DCC: variants seen among roughly 807,000 people sequenced by gnomAD.
DCC encodes DCC netrin 1 receptor, also known as netrin receptor DCC.
DCC carries 58 observed loss-of-function variants against 172.5 expected under a neutral mutation model. That is an observed-to-expected ratio of 0.34 (90% CI 0.27 to 0.42). DCC has a LOEUF of 0.42. DCC is among the 10% of genes least tolerant of loss of function. The probability of loss-of-function intolerance (pLI) is 1.00; values close to 1 mark genes in which losing one functional copy is unlikely to be tolerated. For missense variants in DCC, 1,740 were observed against 1,791.0 expected, an observed-to-expected ratio of 0.97 and a Z score of 0.51; for synonymous variants, 709 against 644.5, an observed-to-expected ratio of 1.10 and a Z score of -1.52.
At chr18:52,765,931 C>A (rs1346593058) in intron 2 of DCC, among the ~76,000 whole-genome samples, 1 of 152,122 alleles carries the variant, frequency 6.6e-6, no homozygotes, top group Non-Finnish European at 1.5e-5. Context: ...TGAAGATTAC[C>A]AAATAATGCT....
intron 27 of DCC, among the ~76,000 whole-genome samples, chr18:53,523,458 C>T (rs1046471747): frequency 3.3e-5 from 5 of 152,042 alleles, no homozygotes; most frequent in Non-Finnish European, 7.4e-5. Flanking sequence ...CACAAGCACA[C>T]GTATGTTTAC....
At chr18:53,448,801 C>T (rs1037373087) in intron 22 of DCC, among the ~76,000 whole-genome samples, 4 of 152,028 alleles carry the variant, frequency 2.6e-5, no homozygotes, top group Non-Finnish European at 5.9e-5. Context: ...TGTCGTGAGC[C>T]GAGATCATGC....
intron 1 of DCC, among the ~76,000 whole-genome samples, chr18:52,558,002 A>G (rs1284237201): frequency 6.6e-6 from 1 of 152,144 alleles, no homozygotes; most frequent in African/African-American, 2.4e-5. Flanking sequence ...TTTATAAATA[A>G]TGTTGTGAGT....
At chr18:52,830,797 G>C (rs990593243) in intron 2 of DCC, among the ~76,000 whole-genome samples, 1 of 151,964 alleles carries the variant, frequency 6.6e-6, no homozygotes, top group African/African-American at 2.4e-5. Flanking sequence ...ATTAAATGTA[G>C]GTTTATCAAA....
intron 5 of DCC, among the ~76,000 whole-genome samples, chr18:53,038,047 C>T (rs1374012266): frequency 6.6e-6 from 1 of 151,978 alleles, no homozygotes; most frequent in Non-Finnish European, 1.5e-5. Flanking sequence ...GCAAAACCAA[C>T]AGGTACATTT....
chr18:52,392,169 G>T (rs1017068025), intron 1 of DCC, among the ~76,000 whole-genome samples: 7 of 152,158 alleles, frequency 4.6e-5, no homozygotes, highest in African/African-American at 1.7e-4. Context: ...TAGGTAAGTG[G>T]CTGGTAGCAG....
intron 12 of DCC, among the ~76,000 whole-genome samples, chr18:53,266,282 C>G (rs1598964455): frequency 6.6e-6 from 1 of 152,184 alleles, no homozygotes; most frequent in East Asian, 1.9e-4. Flanking sequence ...AATCCTCATA[C>G]ATTGTATGGG....
chr18:53,457,156 A>C (rs1288236053), intron 23 of DCC, among the ~76,000 whole-genome samples: 1 of 152,226 alleles, frequency 6.6e-6, no homozygotes, highest in Non-Finnish European at 1.5e-5. Context: ...ATTAAAATCC[A>C]GCAGAAAAAT....
rs1412989214 is a variant in DCC at position 53,402,352 on chromosome 18, T to C, written c.2828-434T>C. Among the ~76,000 whole-genome samples, 6 of 151,060 alleles carry C rather than the reference T, an allele frequency of 4.0e-5. No homozygotes were observed. In the East Asian group the frequency reaches 1.2e-3, roughly 30 times the overall value. Reference sequence around the variant, plus strand: ...CTGAAGTGAGCTATGATTGCACCACTGCACTCCAGCCTAGGTAACAGAGCA... The same window carrying C: ...CTGAAGTGAGCTATGATTGCACCACCGCACTCCAGCCTAGGTAACAGAGCA... On this transcript the variant is annotated intron_variant, in intron 18 of 28. Transcript: ENST00000442544.
chr18:52,671,807 A>G (rs2035559002), intron 1 of DCC, among the ~76,000 whole-genome samples: 1 of 152,084 alleles, frequency 6.6e-6, no homozygotes, highest in South Asian at 2.1e-4. Flanking sequence ...AATTTCCAGG[A>G]TTACAGGCAT....
chr18:52,750,959 T>C (rs2036985053), intron 1 of DCC, among the ~76,000 whole-genome samples: 1 of 152,190 alleles, frequency 6.6e-6, no homozygotes, highest in South Asian at 2.1e-4. Context: ...TGAAATGCCA[T>C]TTCAAACAAA....
intron 15 of DCC, among the ~76,000 whole-genome samples, chr18:53,368,798 T>C (rs2058031205): frequency 6.6e-6 from 1 of 152,082 alleles, no homozygotes; most frequent in Non-Finnish European, 1.5e-5. Context: ...TGTTGATTTA[T>C]ATCACTGTAT....
chr18:53,088,382 A>G (rs977504051), intron 7 of DCC, among the ~76,000 whole-genome samples: 6 of 152,246 alleles, frequency 3.9e-5, no homozygotes, highest in Non-Finnish European at 7.3e-5. Context: ...ATGGGAGTTC[A>G]CTCATGATTT....
In DCC at chr18:52,432,974, A is replaced by G. The variant is rs570120333; in HGVS notation, c.91+92096A>G. Among the ~76,000 whole-genome samples the G allele has an allele frequency of 3.3e-5, 5 of 152,318 alleles. No individual in the cohort carries two copies. The South Asian group carries it at 1.0e-3, about 32-fold the overall frequency. On this transcript the variant is annotated intron_variant, in intron 1 of 28. Transcript: ENST00000442544. ...ACATCTGGCCTTTCATGGGGACATA[A>G]GCAAATAAATAAAACAACAAAGAAT...
At chr18:52,436,686 T>A (rs982405079) in intron 1 of DCC, among the ~76,000 whole-genome samples, 4 of 152,162 alleles carry the variant, frequency 2.6e-5, no homozygotes, top group Non-Finnish European at 5.9e-5. Context: ...GGTGGGTGGA[T>A]CACCTGGGGC....
At chr18:52,353,503 A>G (rs1279241518) in intron 1 of DCC, among the ~76,000 whole-genome samples, 1 of 152,184 alleles carries the variant, frequency 6.6e-6, no homozygotes, top group Non-Finnish European at 1.5e-5. Flanking sequence ...GACGGGGGCT[A>G]CCCCATACTG....
chr18:53,438,471 A>G (rs754105309), intron 22 of DCC, among the ~76,000 whole-genome samples: 1 of 152,228 alleles, frequency 6.6e-6, no homozygotes. Flanking sequence ...TTCTGTGAGT[A>G]ATAGATAAAG....
At chr18:52,346,838 T>C (rs1456682443) in intron 1 of DCC, among the ~76,000 whole-genome samples, 2 of 152,202 alleles carry the variant, frequency 1.3e-5, no homozygotes, top group Non-Finnish European at 2.9e-5. Flanking sequence ...GTGTCTATGA[T>C]CTACTTCTAC....
intron 2 of DCC, among the ~76,000 whole-genome samples, chr18:52,792,671 A>C (rs868000046): frequency 6.6e-6 from 1 of 151,258 alleles, no homozygotes; most frequent in Admixed American, 6.6e-5. Flanking sequence ...CAGGCATGCT[A>C]ATGGTATTTT....
Sources: allele counts gnomAD v4.1 joint callset (sites outside exome capture counted in the v4.1 genomes callset), GRCh38; gene constraint gnomAD v4.1.1; transcripts MANE v1.5; gene names NCBI Gene and HGNC (gene_info 2026-07-23, HGNC 2026-07-21).